TDRD5: variants seen among roughly 807,000 people sequenced by gnomAD.
The protein encoded by TDRD5 is tudor domain containing 5.
TDRD5 carries 41 observed loss-of-function variants against 120.6 expected under a neutral mutation model. The observed-to-expected ratio is 0.34, with a 90% confidence interval of 0.26 to 0.44. The LOEUF (loss-of-function observed/expected upper bound fraction) is 0.44, where lower values mean the gene tolerates loss of function less well. TDRD5 is among the 20% of genes least tolerant of loss of function. TDRD5 has a pLI of 1.00. For synonymous variants in TDRD5, 430 were observed against 433.7 expected (o/e 0.99, Z 0.11); for missense variants, 1,006 against 1,221.2 (o/e 0.82, Z 2.63).
intron 13 of TDRD5, among the ~76,000 whole-genome samples, chr1:179,653,447 A>G (rs12027248): frequency 0.011 from 1,717 of 152,262 alleles, 44 homozygotes; most frequent in East Asian, 0.1. Context: ...AAAACAATAT[A>G]AAGATTTTTA....
rs1233095234 is a variant in TDRD5 at position 179,654,198 on chromosome 1, T to A, written c.2161-3T>A. ...TAAAGGAATTCTCTTTCATATCTAC[T>A]AGCAAGATATTAATGATGAAAAGTC... On this transcript the variant is annotated splice_region_variant and splice_polypyrimidine_tract_variant and intron_variant, in intron 13 of 17. Coordinates refer to ENST00000444136, the MANE Select transcript of TDRD5 (RefSeq NM_001199085.3). 1 of 1,523,204 alleles carries A rather than the reference T, an allele frequency of 6.6e-7. No individual in the cohort carries two copies. The highest frequency in any genetic ancestry group is 2.5e-5 in the East Asian group (1 of 40,510). 94.4% of individuals were successfully genotyped at this position (1,523,204 alleles called of 1,614,324 possible).
intron 17 of TDRD5, among the ~76,000 whole-genome samples, chr1:179,681,744 T>C (rs1333203005): frequency 2.7e-5 from 4 of 150,756 alleles, no homozygotes; most frequent in Non-Finnish European, 5.9e-5. Flanking sequence ...ATTAATTTTT[T>C]TTCTGTCACC....
intron 6 of TDRD5, among the ~76,000 whole-genome samples, chr1:179,623,366 AAAAT>A (rs1676938641): frequency 6.6e-6 from 1 of 152,182 alleles, no homozygotes; most frequent in Non-Finnish European, 1.5e-5. Flanking sequence ...GTTTAAAGCA[AAAAT>A]TACAGCATTA....
At chr1:179,614,789 A>T (rs1243136397) in intron 4 of TDRD5, among the ~76,000 whole-genome samples, 1 of 152,124 alleles carries the variant, frequency 6.6e-6, no homozygotes, top group African/African-American at 2.4e-5. Flanking sequence ...AAAATTTTAT[A>T]TATGGTGCAC....
At position 179,634,475 on chromosome 1, in the gene TDRD5, T is replaced by A. The variant is rs1677647321; in HGVS notation, c.1145T>A (p.Ile382Lys). ...TGTTTAGTTCAGTCAGATAAGAAAATAGAAGCCAAAGCTTGTGTCTCCAGT... is the reference window on the plus strand; with the variant it reads ...TGTTTAGTTCAGTCAGATAAGAAAAAAGAAGCCAAAGCTTGTGTCTCCAGT... ...PLPPVQSDKK[I>K]EAKACVSSPP... Residue 382 changes from isoleucine (I) to lysine (K), a missense_variant, in exon 8 of 18, where the codon ATA (isoleucine) becomes AAA (lysine). Coordinates refer to ENST00000444136, the MANE Select transcript of TDRD5 (RefSeq NM_001199085.3). 1 of 1,596,210 alleles carries A rather than the reference T, an allele frequency of 6.3e-7. No individual in the cohort carries two copies. Among genetic ancestry groups the A allele is most frequent in the Non-Finnish European group, 8.5e-7 (1 of 1,175,842 alleles).
intron 6 of TDRD5, among the ~76,000 whole-genome samples, chr1:179,623,625 C>T (rs201685476): frequency 1.4e-3 from 136 of 97,848 alleles, no homozygotes; most frequent in Middle Eastern, 0.019. Flanking sequence ...CCAACTCATT[C>T]TTTTTTTTTT....
At chr1:179,627,204 A>G (rs1257301186) in intron 6 of TDRD5, among the ~76,000 whole-genome samples, 1 of 152,204 alleles carries the variant, frequency 6.6e-6, no homozygotes, top group African/African-American at 2.4e-5. Flanking sequence ...CCACCATGCA[A>G]GAATTCAAGA....
intron 4 of TDRD5, among the ~76,000 whole-genome samples, chr1:179,598,044 A>G (rs1675499370): frequency 6.6e-6 from 1 of 152,244 alleles, no homozygotes; most frequent in Non-Finnish European, 1.5e-5. Context: ...ATGCAGTTAC[A>G]TAAACCTAGG....
intron 6 of TDRD5, among the ~76,000 whole-genome samples, chr1:179,630,516 G>T (rs1677376541): frequency 6.6e-6 from 1 of 152,026 alleles, no homozygotes; most frequent in African/African-American, 2.4e-5. Flanking sequence ...GAAGTGAAAA[G>T]TGCCCACCCT....
At position 179,592,739 on chromosome 1, in the gene TDRD5, C is replaced by T. The variant is rs1675182890; in HGVS notation, c.124C>T (p.His42Tyr). 6.2e-7 allele frequency: 1 copy of T among 1,613,994 alleles called. No homozygotes were observed. The highest frequency in any genetic ancestry group is 1.3e-5 in the African/African-American group (1 of 74,886). Residue 42 changes from histidine (H) to tyrosine (Y), a missense_variant, in exon 2 of 18, where the codon CAT becomes TAT. By Grantham distance (83) the His-to-Tyr change is moderately conservative (BLOSUM62 2). Around this residue, in one of 3 missense-constraint regions of TDRD5, gnomAD observed 445 missense variants for 515.5 expected, o/e 0.86. Transcript: ENST00000444136. Reference protein sequence around the residue: ...EKEYLLMVGNHLPLRILGYRS... With the variant: ...EKEYLLMVGNYLPLRILGYRS... ...GGAGTACCTTTTGATGGTTGGCAACCATCTACCACTCCGAATCCTTGGGTA... is the reference window on the plus strand; with the variant it reads ...GGAGTACCTTTTGATGGTTGGCAACTATCTACCACTCCGAATCCTTGGGTA...
chr1:179,689,986 G>A (rs1001986734), intron 17 of TDRD5, among the ~76,000 whole-genome samples: 4 of 152,258 alleles, frequency 2.6e-5, no homozygotes, highest in East Asian at 3.9e-4. Flanking sequence ...GGAATTCCCC[G>A]ACCCCTTGCG....
chr1:179,673,049 T>G (rs1460759816), intron 17 of TDRD5, among the ~76,000 whole-genome samples: 1 of 152,196 alleles, frequency 6.6e-6, no homozygotes, highest in Non-Finnish European at 1.5e-5. Flanking sequence ...AGATTTGTTC[T>G]TTTTGCTTAG....
chr1:179,677,537 C>G (rs536517262), intron 17 of TDRD5, among the ~76,000 whole-genome samples: 9 of 152,188 alleles, frequency 5.9e-5, no homozygotes, highest in African/African-American at 9.6e-5. Context: ...TTTTGTCCCA[C>G]GGGATGCTCC....
chr1:179,597,907 A>G (rs376544537), intron 4 of TDRD5, among the ~76,000 whole-genome samples: 1 of 152,182 alleles, frequency 6.6e-6, no homozygotes, highest in African/African-American at 2.4e-5. Context: ...GTTTTTGCCA[A>G]TACTGTACTA....
intron 17 of TDRD5, among the ~76,000 whole-genome samples, chr1:179,686,958 G>A (rs185855189): frequency 1.3e-5 from 2 of 151,940 alleles, no homozygotes; most frequent in African/African-American, 4.8e-5. Context: ...TCTTGCTAGT[G>A]TTCTATCTCC....
At position 179,654,342 on chromosome 1, in the gene TDRD5, G is replaced by A. The variant is rs530274369; in HGVS notation, c.2302G>A (p.Asp768Asn). The A allele has an allele frequency of 8.2e-5, 125 of 1,532,542 alleles. 1 individual carries two copies. The African/African-American group carries it at 1.4e-3, about 17-fold the overall frequency. 94.9% of individuals were successfully genotyped at this position (1,532,542 alleles called of 1,614,324 possible). Residue 768 changes from aspartate (D) to asparagine (N), a missense_variant, in exon 14 of 18, where the codon GAT becomes AAT. Transcript: ENST00000444136. ...AAAGTGGTCCAACCCAGAACCAAAC[G>A]ATCTGAAGGAAGAAAATGAGGTAGG... ...DPKWSNPEPN[D>N]LKEENEDEIP...
chr1:179,684,301 G>A (rs1279111383), intron 17 of TDRD5, among the ~76,000 whole-genome samples: 2 of 152,102 alleles, frequency 1.3e-5, no homozygotes, highest in Admixed American at 1.3e-4. Context: ...TGTGGTGTTT[G>A]GTTTTCTATC....
chr1:179,630,272 C>T (rs1677362612), intron 6 of TDRD5, among the ~76,000 whole-genome samples: 1 of 152,204 alleles, frequency 6.6e-6, no homozygotes, highest in Admixed American at 6.5e-5. Context: ...GCTGGGATTA[C>T]AGGCGTGAGC....
At chr1:179,647,389 G>A (rs1236626338) in intron 11 of TDRD5, among the ~76,000 whole-genome samples, 2 of 151,586 alleles carry the variant, frequency 1.3e-5, no homozygotes, top group Non-Finnish European at 1.5e-5. Context: ...GGGAAAACTG[G>A]CTAGCCATAT....
Sources: allele counts gnomAD v4.1 joint callset (sites outside exome capture counted in the v4.1 genomes callset), GRCh38; gene constraint gnomAD v4.1.1; regional missense constraint gnomAD v4.1.1; transcripts MANE v1.5; gene names NCBI Gene and HGNC (gene_info 2026-07-23, HGNC 2026-07-21).